The following DCLK1 variants were observed in gnomAD, a reference collection of about 807,000 sequenced individuals.
DCLK1 encodes the protein doublecortin like kinase 1, also known as serine/threonine-protein kinase DCLK1.
Under a neutral mutation model 86.2 loss-of-function variants are expected in DCLK1, and 16 were observed. That is an observed-to-expected ratio of 0.19 (90% CI 0.13 to 0.28). The LOEUF (loss-of-function observed/expected upper bound fraction) is 0.28, where lower values mean the gene tolerates loss of function less well. Ranked by LOEUF, DCLK1 falls within the 10% of genes least tolerant of loss-of-function variation. The pLI is 1.00. For synonymous variants in DCLK1, 369 were observed against 370.5 expected (o/e 1.00, Z 0.05); for missense variants, 590 against 940.2 (o/e 0.63, Z 4.87).
chr13:36,068,581 A>G (rs1053234815), intron 3 of DCLK1, among the ~76,000 whole-genome samples: 1 of 151,488 alleles, frequency 6.6e-6, no homozygotes, highest in Non-Finnish European at 1.5e-5. Context: ...TTTTTAACAA[A>G]TTCTCATAAT....
intron 3 of DCLK1, among the ~76,000 whole-genome samples, chr13:36,058,385 G>A (rs1328403702): frequency 6.6e-6 from 1 of 152,212 alleles, no homozygotes; most frequent in Non-Finnish European, 1.5e-5. Context: ...TAGGGAATGA[G>A]AACCAGATAT....
intron 2 of DCLK1, among the ~76,000 whole-genome samples, chr13:36,113,100 A>C (rs1015458404): frequency 6.6e-6 from 1 of 152,220 alleles, no homozygotes; most frequent in Non-Finnish European, 1.5e-5. Context: ...TGTGTTAATA[A>C]GTTTTTGTAA....
chr13:35,889,812 A>T (rs1873526475), intron 4 of DCLK1, among the ~76,000 whole-genome samples: 2 of 152,158 alleles, frequency 1.3e-5, no homozygotes, highest in South Asian at 2.1e-4. Context: ...TTATGAAGGG[A>T]AATGAAGAGA....
chr13:35,914,155 C>CA (rs1439142319), intron 4 of DCLK1, among the ~76,000 whole-genome samples: 1 of 151,052 alleles, frequency 6.6e-6, no homozygotes, highest in Non-Finnish European at 1.5e-5. Flanking sequence ...CGCGTCTCTA[C>CA]AAAAAATACA....
chr13:35,802,981 G>A (rs2086952420), intron 15 of DCLK1, among the ~76,000 whole-genome samples: 1 of 152,180 alleles, frequency 6.6e-6, no homozygotes, highest in African/African-American at 2.4e-5. Flanking sequence ...AAAGGTTGCT[G>A]ACTTGTATTA....
chr13:35,960,182 T>TC (rs1292314431), intron 3 of DCLK1, among the ~76,000 whole-genome samples: 1 of 152,002 alleles, frequency 6.6e-6, no homozygotes, highest in African/African-American at 2.4e-5. Flanking sequence ...CTTCCCTTTC[T>TC]CCCCCCTTAA....
chr13:35,818,501 A>C (rs894875866), intron 11 of DCLK1, among the ~76,000 whole-genome samples: 5 of 152,164 alleles, frequency 3.3e-5, no homozygotes, highest in Non-Finnish European at 7.3e-5. Flanking sequence ...AAGGAGAGGC[A>C]GTTTTTCTCC....
intron 3 of DCLK1, among the ~76,000 whole-genome samples, chr13:36,084,190 C>T (rs1452039547): frequency 6.6e-6 from 1 of 152,042 alleles, no homozygotes; most frequent in African/African-American, 2.4e-5. Context: ...ATGATTTTTC[C>T]CCGCCCTGGC....
intron 3 of DCLK1, among the ~76,000 whole-genome samples, chr13:36,053,634 T>TAC (rs1566661782): frequency 6.6e-6 from 1 of 151,270 alleles, no homozygotes; most frequent in Admixed American, 6.6e-5. Context: ...ACGATATATA[T>TAC]ATATATAAAT....
intron 3 of DCLK1, among the ~76,000 whole-genome samples, chr13:35,953,730 C>T (rs1378451178): frequency 6.6e-6 from 1 of 152,294 alleles, no homozygotes; most frequent in South Asian, 2.1e-4. Context: ...AAAGCAGGAC[C>T]GTGGAATCCA....
intron 4 of DCLK1, among the ~76,000 whole-genome samples, chr13:35,903,512 G>A (rs1874501166): frequency 6.6e-6 from 1 of 151,930 alleles, no homozygotes; most frequent in Non-Finnish European, 1.5e-5. Flanking sequence ...AAATTATAAA[G>A]TTATAACATT....
At chr13:35,974,117 T>A (rs1394075949) in intron 3 of DCLK1, among the ~76,000 whole-genome samples, 1 of 152,220 alleles carries the variant, frequency 6.6e-6, no homozygotes, top group Non-Finnish European at 1.5e-5. Flanking sequence ...AAGTTTAGAA[T>A]AACTGCCCAG....
rs2087014477 is a variant in DCLK1, at chr13:35,805,734, A to G, written c.1909T>C (p.Ser637Pro). The change falls in exon 15 of 17, where the codon TCT becomes CCT. Residue 637 changes from serine to proline, a missense_variant. Coordinates refer to ENST00000360631, the MANE Select transcript of DCLK1 (RefSeq NM_001330071.2). ...MLLVDVDQRF[S>P]AVQVLEHPWV... ...GGATGCTCAAGTACTTGAACAGCAG[A>G]AAATCGCTGATCTACATCGACCAAC... The G allele has an allele frequency of 1.2e-6, 2 of 1,614,000 alleles. No homozygotes were observed. Among genetic ancestry groups the G allele is most frequent in the Admixed American group, 3.3e-5 (2 of 59,946 alleles).
At chr13:36,039,651 T>C (rs1005173700) in intron 3 of DCLK1, among the ~76,000 whole-genome samples, 16 of 151,500 alleles carry the variant, frequency 1.1e-4, no homozygotes, top group African/African-American at 3.9e-4. Context: ...CACACACACA[T>C]ACAAATACAC....
intron 3 of DCLK1, among the ~76,000 whole-genome samples, chr13:36,080,508 C>T (rs1189287193): frequency 1.3e-5 from 2 of 152,210 alleles, no homozygotes; most frequent in Non-Finnish European, 2.9e-5. Context: ...TCTGATCTGT[C>T]AGTTTCCTTC....
chr13:35,972,633 A>G (rs574436434), intron 3 of DCLK1, among the ~76,000 whole-genome samples: 1 of 152,226 alleles, frequency 6.6e-6, no homozygotes, highest in African/African-American at 2.4e-5. Flanking sequence ...AGAGGTAGCA[A>G]GGAGATGGGG....
At chr13:35,857,282 T>TA (rs1871116699) in intron 5 of DCLK1, among the ~76,000 whole-genome samples, 1 of 152,178 alleles carries the variant, frequency 6.6e-6, no homozygotes. Flanking sequence ...TCATTTATAG[T>TA]AAAAAACACA....
intron 12 of DCLK1, among the ~76,000 whole-genome samples, chr13:35,809,495 A>G (rs1649103471): frequency 6.6e-6 from 1 of 152,332 alleles, no homozygotes; most frequent in Non-Finnish European, 1.5e-5. Flanking sequence ...ACTGACATAC[A>G]TGATCGTACT....
intron 15 of DCLK1, among the ~76,000 whole-genome samples, chr13:35,797,309 G>A (rs935889058): frequency 2.0e-5 from 3 of 152,038 alleles, no homozygotes; most frequent in African/African-American, 7.2e-5. Context: ...CATCTTTTCA[G>A]AAACTTGCCT....
Sources: gnomAD v4.1 joint callset for allele counts (sites outside exome capture counted in the v4.1 genomes callset) on GRCh38, gnomAD v4.1.1 for gene constraint, MANE v1.5 for transcripts, NCBI Gene and HGNC (gene_info 2026-07-23, HGNC 2026-07-21) for gene names.